Variants in SRBD1 observed in about 807,000 individuals in gnomAD.
SRBD1 encodes S1 RNA-binding domain-containing protein 1.
Under a neutral mutation model 115.3 loss-of-function variants are expected in SRBD1, and 88 were observed. That is an observed-to-expected ratio of 0.76 (90% confidence interval 0.64 to 0.91). The LOEUF (loss-of-function observed/expected upper bound fraction) is 0.91, where lower values mean the gene tolerates loss of function less well. Ranked by LOEUF, SRBD1 falls within the 40% of genes least tolerant of loss-of-function variation. The pLI, the probability that SRBD1 is intolerant of heterozygous loss-of-function variation, is 0.00. For missense variants in SRBD1, 1,385 were observed against 1,177.4 expected (o/e 1.18, Z -2.58); for synonymous variants, 509 against 407.7 (o/e 1.25, Z -2.99).
intron 19 of SRBD1, among the ~76,000 whole-genome samples, chr2:45,397,421 A>G (rs1234226604): frequency 6.6e-6 from 1 of 152,170 alleles, no homozygotes; most frequent in Non-Finnish European, 1.5e-5. Flanking sequence ...AGTGTGGCAA[A>G]CGAGGAAAAC....
intron 12 of SRBD1, among the ~76,000 whole-genome samples, chr2:45,549,295 C>A (rs1672216684): frequency 6.7e-6 from 1 of 149,210 alleles, no homozygotes; most frequent in South Asian, 2.1e-4. Context: ...TCAATCCACA[C>A]AGAGTTTTTT....
chr2:45,395,364 A>ATG (rs372869962), intron 19 of SRBD1, among the ~76,000 whole-genome samples: 7 of 152,056 alleles, frequency 4.6e-5, no homozygotes, highest in African/African-American at 9.7e-5. Flanking sequence ...GCACATGTGT[A>ATG]TGTGTGTGTG....
chr2:45,472,074 C>T (rs1287772672), intron 16 of SRBD1, among the ~76,000 whole-genome samples: 4 of 151,868 alleles, frequency 2.6e-5, no homozygotes, highest in Non-Finnish European at 5.9e-5. Context: ...ATAAATAATC[C>T]AAAAGCCTAC....
chr2:45,485,488 C>A (rs1670090053), intron 15 of SRBD1, among the ~76,000 whole-genome samples: 1 of 152,160 alleles, frequency 6.6e-6, no homozygotes, highest in Non-Finnish European at 1.5e-5. Context: ...AAAACATACA[C>A]TCAATCTTCC....
At chr2:45,541,196 C>T (rs1261810923) in intron 14 of SRBD1, among the ~76,000 whole-genome samples, 1 of 152,214 alleles carries the variant, frequency 6.6e-6, no homozygotes, top group Admixed American at 6.5e-5. Flanking sequence ...TGTGGCTGGA[C>T]CAGATATATC....
At chr2:45,517,385 T>A (rs1671152215) in intron 14 of SRBD1, among the ~76,000 whole-genome samples, 1 of 152,330 alleles carries the variant, frequency 6.6e-6, no homozygotes, top group Non-Finnish European at 1.5e-5. Context: ...CATTATAACA[T>A]GTTGTGGTAA....
At chr2:45,480,984 T>C (rs918106316) in intron 15 of SRBD1, among the ~76,000 whole-genome samples, 1 of 152,198 alleles carries the variant, frequency 6.6e-6, no homozygotes, top group African/African-American at 2.4e-5. Context: ...TTTAAGAAAC[T>C]GCCACCACAT....
intron 14 of SRBD1, among the ~76,000 whole-genome samples, chr2:45,521,432 G>A (rs1242598993): frequency 6.6e-6 from 1 of 151,816 alleles, no homozygotes; most frequent in East Asian, 1.9e-4. Flanking sequence ...CTAGGGAAAT[G>A]TAAGTCAAAA....
At chr2:45,556,263 A>C (rs567046906) in intron 10 of SRBD1, among the ~76,000 whole-genome samples, 1 of 152,278 alleles carries the variant, frequency 6.6e-6, no homozygotes, top group South Asian at 2.1e-4. Flanking sequence ...CATTGAAAAA[A>C]GGCATGAATT....
intron 19 of SRBD1, among the ~76,000 whole-genome samples, chr2:45,400,950 T>C (rs2103830885): frequency 6.6e-6 from 1 of 152,290 alleles, no homozygotes; most frequent in East Asian, 1.9e-4. Flanking sequence ...TAGTTTCCTC[T>C]ACCAGCTTTG....
At chr2:45,477,798 C>G (rs986492906) in intron 15 of SRBD1, among the ~76,000 whole-genome samples, 14 of 152,164 alleles carry the variant, frequency 9.2e-5, no homozygotes, top group African/African-American at 3.4e-4. Context: ...TGCAAGATTG[C>G]CCTGGCAAGT....
intron 14 of SRBD1, among the ~76,000 whole-genome samples, chr2:45,510,221 T>C (rs931251713): frequency 3.3e-5 from 5 of 152,330 alleles, no homozygotes; most frequent in Non-Finnish European, 5.9e-5. Context: ...TTTTCTGTTA[T>C]ATAGAGATAT....
chr2:45,603,448 T>C (rs1208853572), intron 2 of SRBD1, among the ~76,000 whole-genome samples: 1 of 152,190 alleles, frequency 6.6e-6, no homozygotes, highest in Non-Finnish European at 1.5e-5. Flanking sequence ...AATGCTGGAA[T>C]CCCTCGAGGC....
intron 14 of SRBD1, among the ~76,000 whole-genome samples, chr2:45,534,249 T>C (rs892628622): frequency 6.6e-6 from 1 of 152,006 alleles, no homozygotes; most frequent in African/African-American, 2.4e-5. Flanking sequence ...TATTTAAATA[T>C]GTATTTTTAA....
intron 14 of SRBD1, chr2:45,546,219 T>C: frequency 3.0e-6 from 3 of 985,426 alleles, no homozygotes; most frequent in Non-Finnish European, 3.6e-6. Context: ...CCAAAGCTAT[T>C]CACAAGTTAT....
intron 4 of SRBD1, among the ~76,000 whole-genome samples, chr2:45,588,122 C>T (rs1176140056): frequency 6.6e-6 from 1 of 152,220 alleles, no homozygotes; most frequent in Non-Finnish European, 1.5e-5. Flanking sequence ...CCTGTTCTCC[C>T]TGCATCCACT....
chr2:45,426,932 T>C (rs565400105), intron 16 of SRBD1, among the ~76,000 whole-genome samples: 2 of 152,176 alleles, frequency 1.3e-5, no homozygotes, highest in Admixed American at 6.5e-5. Flanking sequence ...AAAACCAGAA[T>C]GCCTCTTCTC....
At chr2:45,486,739 T>C (rs1052779160) in intron 15 of SRBD1, among the ~76,000 whole-genome samples, 3 of 144,910 alleles carry the variant, frequency 2.1e-5, no homozygotes, top group Admixed American at 6.9e-5. Flanking sequence ...TCAAAAAAAA[T>C]AAAATAAAAT....
At chr2:45,513,615 G>A (rs1671035502) in intron 14 of SRBD1, among the ~76,000 whole-genome samples, 1 of 152,044 alleles carries the variant, frequency 6.6e-6, no homozygotes, top group South Asian at 2.1e-4. Context: ...ACTCTGGCTG[G>A]CTTGATCATT....
Sources: gnomAD v4.1 joint callset for allele counts (sites outside exome capture counted in the v4.1 genomes callset) on GRCh38, gnomAD v4.1.1 for gene constraint, MANE v1.5 for transcripts, NCBI Gene and HGNC (gene_info 2026-07-23, HGNC 2026-07-21) for gene names.